NR1H4: variants seen among roughly 807,000 people sequenced by gnomAD.
NR1H4 encodes the protein nuclear receptor subfamily 1 group H member 4, also known as bile acid receptor.
In NR1H4, 23 loss-of-function variants were observed where a neutral mutation model predicts 58.5. That is an observed-to-expected ratio of 0.39 (90% confidence interval 0.28 to 0.56). The LOEUF (loss-of-function observed/expected upper bound fraction) is 0.56. Ranked by LOEUF, NR1H4 falls within the 20% of genes least tolerant of loss-of-function variation. NR1H4 has a pLI of 0.58. For missense variants in NR1H4, 487 were observed against 576.9 expected (o/e 0.84, Z 1.60); for synonymous variants, 214 against 198.0 (o/e 1.08, Z -0.68).
At chr12:100,543,135 C>G (rs949178203) in intron 9 of NR1H4, among the ~76,000 whole-genome samples, 1 of 151,994 alleles carries the variant, frequency 6.6e-6, no homozygotes, top group Non-Finnish European at 1.5e-5. Context: ...AGAGAAGGAC[C>G]AGCAGGAGCA....
chr12:100,506,141 ATTAC>A (rs1245237722), intron 3 of NR1H4, among the ~76,000 whole-genome samples: 5 of 152,128 alleles, frequency 3.3e-5, no homozygotes, highest in African/African-American at 1.2e-4. Flanking sequence ...TGTGTTAATA[ATTAC>A]TTATTAACTA....
chr12:100,550,074 G>T (rs1955170429), intron 9 of NR1H4, among the ~76,000 whole-genome samples: 1 of 152,054 alleles, frequency 6.6e-6, no homozygotes, highest in Non-Finnish European at 1.5e-5. Context: ...TCTTTTGTTT[G>T]CTGTTATTAA....
At position 100,510,892 on chromosome 12, in the gene NR1H4, C is replaced by T; in HGVS notation, c.194C>T (p.Ser65Phe). ...GTTCAACCACAGATTTCCTCGTCAT[C>T]CTATTATTCCAACCTGGGTTTCTAC... ...PQVQPQISSS[S>F]YYSNLGFYPQ... The change falls in exon 4 of 11, where the codon TCC (serine) becomes TTC (phenylalanine). Residue 65 changes from serine (S) to phenylalanine (F), a missense_variant. Coordinates refer to ENST00000392986, the MANE Select transcript of NR1H4 (RefSeq NM_001206979.2). 6.2e-7 allele frequency: 1 copy of T among 1,614,142 alleles called. No individual in the cohort carries two copies. Among genetic ancestry groups the T allele is most frequent in the Non-Finnish European group, 8.5e-7 (1 of 1,180,028 alleles).
chr12:100,537,110 A>T, intron 8 of NR1H4, 63 bp downstream of exon 8: 2 of 997,940 alleles, frequency 2.0e-6, no homozygotes, highest in Non-Finnish European at 3.1e-6. Flanking sequence ...CACAGATTAG[A>T]TTACCTATTT....
intron 4 of NR1H4, among the ~76,000 whole-genome samples, chr12:100,525,828 T>C (rs1023446342): frequency 2.0e-5 from 3 of 152,218 alleles, no homozygotes; most frequent in African/African-American, 7.2e-5. Context: ...AGGCCTATTT[T>C]GATGACCAAT....
chr12:100,548,088 C>G (rs923028430), intron 9 of NR1H4, among the ~76,000 whole-genome samples: 4 of 150,294 alleles, frequency 2.7e-5, no homozygotes, highest in South Asian at 4.3e-4. Context: ...TACTTATGAG[C>G]TGAGTGCGGT....
At chr12:100,532,789 G>T (rs953190757) in intron 5 of NR1H4, among the ~76,000 whole-genome samples, 179 bp downstream of exon 5, 3 of 152,166 alleles carry the variant, frequency 2.0e-5, no homozygotes, top group African/African-American at 7.2e-5. Flanking sequence ...GAGCATTTTA[G>T]TCACCCGAAA....
chr12:100,510,991 A>G lies in NR1H4; in HGVS notation c.293A>G (p.Gln98Arg), dbSNP rs370118129. 7.4e-6 allele frequency: 12 copies of G among 1,614,246 alleles called. No individual in the cohort carries two copies. The highest frequency in any genetic ancestry group is 1.0e-5 in the Non-Finnish European group (12 of 1,180,040). Residue 98 changes from glutamine (Q) to arginine (R), a missense_variant, in exon 4 of 11, where the codon CAG becomes CGG. By Grantham distance (43) the Gln-to-Arg change is conservative. Transcript: ENST00000392986. ...LRRMPAETLY[Q>R]GETEVAEMPV... ...CGTATGCCAGCTGAGACTCTCTACC[A>G]GGGAGAAACTGAGGTAGCAGAGATG...
chr12:100,507,499 T>G, intron 3 of NR1H4, among the ~76,000 whole-genome samples: 1 of 152,130 alleles, frequency 6.6e-6, no homozygotes. Context: ...AGTCTTGCTC[T>G]GTCTCCAGGC....
Position 100,512,821 on chromosome 12 carries a change from G to A in NR1H4, c.445+1678G>A, listed in dbSNP as rs139329258. On this transcript the variant is annotated intron_variant, in intron 4 of 10. Coordinates refer to ENST00000392986, the MANE Select transcript of NR1H4 (RefSeq NM_001206979.2). ...AACCATCTCTTGAGCAGAATCTTTC[G>A]GATGGTGTGACACACTGGGGTTCCC... Among the ~76,000 whole-genome samples, 215 of 152,278 alleles carry A rather than the reference G, an allele frequency of 1.4e-3. 1 individual carries two copies. Among genetic ancestry groups the A allele is most frequent in the African/African-American group, 4.6e-3 (193 of 41,564 alleles).
At chr12:100,474,521 A>G (rs909238899) in intron 1 of NR1H4, among the ~76,000 whole-genome samples, 1 of 152,232 alleles carries the variant, frequency 6.6e-6, no homozygotes, top group Non-Finnish European at 1.5e-5. Context: ...ATTTTTCCCT[A>G]GAAGAAGAGT....
At chr12:100,475,964 C>T (rs1241128157) in intron 1 of NR1H4, among the ~76,000 whole-genome samples, 1 of 152,114 alleles carries the variant, frequency 6.6e-6, no homozygotes, top group African/African-American at 2.4e-5. Context: ...GAACTCTTGA[C>T]CTCAGGTGAT....
At chr12:100,492,968 C>T (rs1226355788) in intron 2 of NR1H4, among the ~76,000 whole-genome samples, 2 of 151,662 alleles carry the variant, frequency 1.3e-5, no homozygotes, top group Non-Finnish European at 2.9e-5. Context: ...AAGACATAGT[C>T]AAAATGTCAT....
chr12:100,518,460 AT>A (rs1954322106), intron 4 of NR1H4, among the ~76,000 whole-genome samples: 1 of 152,202 alleles, frequency 6.6e-6, no homozygotes. Flanking sequence ...AAATTTTTCC[AT>A]TGATTTTGAT....
chr12:100,509,630 A>G (rs1280909503), intron 3 of NR1H4, among the ~76,000 whole-genome samples: 1 of 152,258 alleles, frequency 6.6e-6, no homozygotes, highest in Non-Finnish European at 1.5e-5. Flanking sequence ...ACTTAAAGAC[A>G]TTAAGGAATT....
At chr12:100,499,775 C>T in intron 3 of NR1H4, 1 of 445,034 alleles carries the variant, frequency 2.2e-6, no homozygotes, top group Non-Finnish European at 4.5e-6. Context: ...GTAATGATAA[C>T]AGCTAGTATT....
chr12:100,483,859 C>T (rs980292102), intron 1 of NR1H4, among the ~76,000 whole-genome samples: 1 of 151,848 alleles, frequency 6.6e-6, no homozygotes, highest in South Asian at 2.1e-4. Flanking sequence ...TGGTGCATGC[C>T]TGTAATCCCA....
intron 5 of NR1H4, among the ~76,000 whole-genome samples, chr12:100,534,054 G>A (rs1224892681): frequency 6.6e-6 from 1 of 151,878 alleles, no homozygotes; most frequent in Non-Finnish European, 1.5e-5. Flanking sequence ...CCGCCACTGC[G>A]CCCGGCTAAT....
At chr12:100,523,561 C>G (rs1954481282) in intron 4 of NR1H4, among the ~76,000 whole-genome samples, 1 of 152,054 alleles carries the variant, frequency 6.6e-6, no homozygotes, top group South Asian at 2.1e-4. Flanking sequence ...TTAGTTTAAT[C>G]AGGTCCCATT....
Sources: gnomAD v4.1 joint callset for allele counts (sites outside exome capture counted in the v4.1 genomes callset) on GRCh38, gnomAD v4.1.1 for gene constraint, MANE v1.5 for transcripts, NCBI Gene and HGNC (gene_info 2026-07-23, HGNC 2026-07-21) for gene names.